DOCK8: variants seen among roughly 807,000 people sequenced by gnomAD.
The protein encoded by DOCK8 is dedicator of cytokinesis protein 8.
Under a neutral mutation model 245.6 loss-of-function variants are expected in DOCK8, and 141 were observed. That is an observed-to-expected ratio of 0.57 (90% confidence interval 0.50 to 0.66). The LOEUF (loss-of-function observed/expected upper bound fraction) is 0.66. Ranked by LOEUF, DOCK8 falls within the 30% of genes least tolerant of loss-of-function variation. The pLI is 0.00. For missense variants in DOCK8, 2,965 were observed against 2,603.4 expected (o/e 1.14, Z -3.02); for synonymous variants, 1,168 against 970.2 (o/e 1.20, Z -3.79).
At chr9:445,273 T>C (rs1047461255) in intron 43 of DOCK8, among the ~76,000 whole-genome samples, 8 of 152,118 alleles carry the variant, frequency 5.3e-5, no homozygotes, top group Non-Finnish European at 1.2e-4. Flanking sequence ...GGGTAGGTTG[T>C]GAGAGTTTGG....
intron 14 of DOCK8, among the ~76,000 whole-genome samples, chr9:358,723 C>G (rs1206337157): frequency 6.6e-6 from 1 of 152,124 alleles, no homozygotes; most frequent in Admixed American, 6.5e-5. Context: ...GTGGCATGTG[C>G]CTGTAGTCCC....
chr9:412,404 C>CAAAAAAAAAAAAAAA (rs59340573), intron 28 of DOCK8, among the ~76,000 whole-genome samples: 1 of 100,790 alleles, frequency 9.9e-6, no homozygotes, highest in African/African-American at 3.4e-5. Flanking sequence ...GACCCTGTCT[C>CAAAAAAAAAAAAAAA]AAAAAAAAAA....
At chr9:283,842 T>C (rs2048699289) in intron 2 of DOCK8, among the ~76,000 whole-genome samples, 1 of 152,230 alleles carries the variant, frequency 6.6e-6, no homozygotes, top group Non-Finnish European at 1.5e-5. Flanking sequence ...AATTTAATGT[T>C]TACATTTGGG....
chr9:383,227 C>G (rs139261754), intron 22 of DOCK8, among the ~76,000 whole-genome samples: 1 of 152,060 alleles, frequency 6.6e-6, no homozygotes, highest in African/African-American at 2.4e-5. Context: ...TGGTGAAACC[C>G]TGTCTCTACT....
chr9:371,170 GTTGTTTT>G (rs1554681866), intron 16 of DOCK8, among the ~76,000 whole-genome samples: 272 of 151,414 alleles, frequency 1.8e-3, no homozygotes, highest in East Asian at 6.4e-3. Flanking sequence ...GTGTGGGGGA[GTTGTTTT>G]TTGTTTTTTG....
At chr9:217,490 C>T (rs943572690) in intron 1 of DOCK8, among the ~76,000 whole-genome samples, 1 of 152,074 alleles carries the variant, frequency 6.6e-6, no homozygotes, top group Non-Finnish European at 1.5e-5. Flanking sequence ...AAGAAGAGCC[C>T]CCTCAAGTTT....
At chr9:346,597 G>C (rs2051902041) in intron 14 of DOCK8, among the ~76,000 whole-genome samples, 1 of 152,074 alleles carries the variant, frequency 6.6e-6, no homozygotes, top group African/African-American at 2.4e-5. Flanking sequence ...GGAGGACGGT[G>C]CTTGCTGAGA....
chr9:404,300 A>AT (rs1415037942), intron 26 of DOCK8, among the ~76,000 whole-genome samples: 1 of 151,624 alleles, frequency 6.6e-6, no homozygotes, highest in East Asian at 1.9e-4. Flanking sequence ...TTAAAGGAAG[A>AT]TTTTTCCTAA....
chr9:433,775 C>G lies in DOCK8; in HGVS notation c.4786-100C>G, dbSNP rs1302902718. The G allele has an allele frequency of 6.0e-6, 6 of 999,048 alleles. No individual in the cohort carries two copies. The East Asian group carries it at 7.4e-5, about 12-fold the overall frequency. 61.9% of individuals were successfully genotyped at this position (999,048 alleles called of 1,614,324 possible). On this transcript the variant is annotated intron_variant, in intron 37 of 47. Transcript: ENST00000432829. Reference sequence around the variant, plus strand: ...TCCCTAGTCTCTGCTGCCCTCTGATCCAACCCTTCCCATGGCTTCCCCTTG... The same window carrying G: ...TCCCTAGTCTCTGCTGCCCTCTGATGCAACCCTTCCCATGGCTTCCCCTTG...
intron 26 of DOCK8, among the ~76,000 whole-genome samples, chr9:400,730 TCCA>T (rs2054928460): frequency 3.9e-5 from 1 of 25,888 alleles, no homozygotes; most frequent in Non-Finnish European, 6.7e-5. Context: ...CACCACCACC[TCCA>T]CCACCACCAG....
chr9:245,991 G>C (rs548937557), intron 1 of DOCK8, among the ~76,000 whole-genome samples: 2 of 152,310 alleles, frequency 1.3e-5, no homozygotes, highest in South Asian at 4.1e-4. Context: ...AGGCCAAGGA[G>C]GGTGGATTGC....
In DOCK8 at chr9:266,610, C is replaced by T. The variant is rs558569472; in HGVS notation, c.54-5017C>T. 3.7e-4 allele frequency among the ~76,000 whole-genome samples: 57 copies of T among 152,220 alleles called. No homozygotes were observed. In the East Asian group the frequency reaches 3.9e-3, roughly 10 times the overall value. ...CAGCAGCCACACTTTGCAAGCTCTACGCTATGATTAGTTGTGGTTTGTAGT... is the reference window on the plus strand; with the variant it reads ...CAGCAGCCACACTTTGCAAGCTCTATGCTATGATTAGTTGTGGTTTGTAGT... On this transcript the variant is annotated intron_variant, in intron 1 of 47. Transcript: ENST00000432829.
chr9:363,739 G>C (rs1015204825), intron 14 of DOCK8, among the ~76,000 whole-genome samples: 60 of 152,226 alleles, frequency 3.9e-4, no homozygotes, highest in African/African-American at 1.4e-3. Flanking sequence ...AGTGCTGGCA[G>C]TGTGGGGCAG....
At chr9:228,031 G>A (rs1401904407) in intron 1 of DOCK8, among the ~76,000 whole-genome samples, 2 of 152,158 alleles carry the variant, frequency 1.3e-5, no homozygotes, top group Non-Finnish European at 2.9e-5. Flanking sequence ...TAGCGGAGCT[G>A]TGGGGAAGGA....
intron 28 of DOCK8, among the ~76,000 whole-genome samples, chr9:414,293 C>T (rs1277606116): frequency 6.6e-6 from 1 of 152,292 alleles, no homozygotes; most frequent in East Asian, 1.9e-4. Flanking sequence ...AAATGTTTAT[C>T]AGTTGATGAA....
chr9:354,069 C>G (rs527731515), intron 14 of DOCK8, among the ~76,000 whole-genome samples: 1 of 152,186 alleles, frequency 6.6e-6, no homozygotes, highest in Non-Finnish European at 1.5e-5. Flanking sequence ...CGGTGGCTCA[C>G]GCCTGTAATC....
chr9:384,072 G>A (rs1390542859), intron 22 of DOCK8, among the ~76,000 whole-genome samples: 1 of 152,044 alleles, frequency 6.6e-6, no homozygotes, highest in East Asian at 1.9e-4. Flanking sequence ...TTGCAGTCTT[G>A]CCTCCATAGG....
intron 28 of DOCK8, among the ~76,000 whole-genome samples, chr9:412,156 A>G (rs930978020): frequency 2.0e-5 from 3 of 152,162 alleles, no homozygotes; most frequent in Admixed American, 1.3e-4. Context: ...TAATCCCAGC[A>G]CTTTGGGAGG....
chr9:373,827 T>C (rs2053402409), intron 18 of DOCK8, among the ~76,000 whole-genome samples: 1 of 152,214 alleles, frequency 6.6e-6, no homozygotes, highest in African/African-American at 2.4e-5. Flanking sequence ...ATTTCCCTGA[T>C]TGGTCTTTAT....
Sources: gnomAD v4.1 joint callset for allele counts (sites outside exome capture counted in the v4.1 genomes callset) on GRCh38, gnomAD v4.1.1 for gene constraint, MANE v1.5 for transcripts, NCBI Gene and HGNC (gene_info 2026-07-23, HGNC 2026-07-21) for gene names.